Variants in PDE1A observed in about 807,000 individuals in gnomAD.
PDE1A encodes phosphodiesterase 1A.
PDE1A carries 35 observed loss-of-function variants against 61.7 expected under a neutral mutation model. The ratio of observed to expected loss-of-function variants is 0.57; its 90% CI spans 0.43 to 0.75. PDE1A has a LOEUF of 0.75. Among genes scored for constraint, PDE1A ranks in the 30% least tolerant of loss-of-function variants. The pLI, the probability that PDE1A is intolerant of heterozygous loss-of-function variation, is 0.00. For missense variants in PDE1A, 597 were observed against 630.6 expected (o/e 0.95, Z 0.57); for synonymous variants, 232 against 213.2 (o/e 1.09, Z -0.77).
At chr2:182,469,571 C>G (rs115500354) in intron 2 of PDE1A, among the ~76,000 whole-genome samples, 4 of 151,924 alleles carry the variant, frequency 2.6e-5, no homozygotes, top group African/African-American at 9.7e-5. Flanking sequence ...GTTTGGCTTC[C>G]TTATAATTCA....
the PDE1A span, among the ~76,000 whole-genome samples, chr2:182,573,176 C>A: frequency 6.6e-6 from 1 of 152,118 alleles, no homozygotes. Context: ...TTTATGACTA[C>A]ATTGTAATGA....
intron 1 of PDE1A, among the ~76,000 whole-genome samples, chr2:182,264,689 C>A (rs1406241657): frequency 6.6e-6 from 1 of 150,550 alleles, no homozygotes; most frequent in Admixed American, 6.7e-5. Context: ...CCTGAAAATT[C>A]AAGACAATAT....
At chr2:182,356,444 T>C (rs1699184549) in intron 1 of PDE1A, among the ~76,000 whole-genome samples, 1 of 152,176 alleles carries the variant, frequency 6.6e-6, no homozygotes, top group Non-Finnish European at 1.5e-5. Context: ...AATATTAAAA[T>C]AGAGATTTCT....
At chr2:182,206,609 C>CA (rs1687125081) in intron 7 of PDE1A, among the ~76,000 whole-genome samples, 1 of 152,176 alleles carries the variant, frequency 6.6e-6, no homozygotes, top group African/African-American at 2.4e-5. Context: ...TCACTGTCTC[C>CA]ATAGTTTTGC....
chr2:182,579,911 T>C, the PDE1A span, among the ~76,000 whole-genome samples: 1 of 152,320 alleles, frequency 6.6e-6, no homozygotes, highest in African/African-American at 2.4e-5. Flanking sequence ...CTAACTCTTC[T>C]TGTCCCCAAA....
chr2:182,572,652 C>T, the PDE1A span, among the ~76,000 whole-genome samples: 3 of 150,704 alleles, frequency 2.0e-5, no homozygotes, highest in Non-Finnish European at 3.0e-5. Context: ...GGGCGGATCA[C>T]GAGGTCAGGA....
intron 1 of PDE1A, among the ~76,000 whole-genome samples, chr2:182,419,478 G>A (rs574461715): frequency 6.6e-6 from 1 of 152,040 alleles, no homozygotes; most frequent in African/African-American, 2.4e-5. Flanking sequence ...TAGGACTACA[G>A]GCGTGTGCCA....
chr2:182,335,515 G>C lies in PDE1A; in HGVS notation c.54-71101C>G, dbSNP rs1574383494. 2.6e-5 allele frequency among the ~76,000 whole-genome samples: 4 copies of C among 152,236 alleles called. No individual in the cohort carries two copies. The East Asian group carries it at 5.8e-4, about 22-fold the overall frequency. On this transcript the variant is annotated intron_variant, in intron 1 of 13. Transcript: ENST00000351439. ...CAACCCTGACAAAAACAAGCAATGG[G>C]GAAAGGATTCCCTATTTAATAAATG...
At chr2:182,169,511 A>T (rs999813988) in intron 13 of PDE1A, among the ~76,000 whole-genome samples, 1 of 152,064 alleles carries the variant, frequency 6.6e-6, no homozygotes, top group African/African-American at 2.4e-5. Flanking sequence ...AATCTATAAT[A>T]CTCAATAAGG....
the PDE1A span, among the ~76,000 whole-genome samples, chr2:182,604,298 C>T: frequency 1.3e-5 from 2 of 152,132 alleles, no homozygotes; most frequent in Non-Finnish European, 2.9e-5. Flanking sequence ...GAGTTATCAG[C>T]ACTTTAAGCC....
upstream of PDE1A, among the ~76,000 whole-genome samples, chr2:182,427,359 C>A (rs1414353642): frequency 2.0e-5 from 3 of 152,108 alleles, no homozygotes; most frequent in Non-Finnish European, 4.4e-5. Flanking sequence ...CTGATAGAAG[C>A]CCATGCGAAG....
the PDE1A span, among the ~76,000 whole-genome samples, chr2:182,554,688 G>C: frequency 1.3e-5 from 2 of 152,044 alleles, no homozygotes; most frequent in African/African-American, 4.8e-5. Context: ...AATAATGCAT[G>C]CACAGCCTTC....
chr2:182,188,428 C>G (rs1470538411), intron 11 of PDE1A, among the ~76,000 whole-genome samples: 2 of 152,164 alleles, frequency 1.3e-5, no homozygotes, highest in Non-Finnish European at 2.9e-5. Context: ...CCATGCAACA[C>G]ATGTTTTAAT....
intron 1 of PDE1A, among the ~76,000 whole-genome samples, chr2:182,282,366 A>G (rs1693864976): frequency 6.6e-6 from 1 of 151,992 alleles, no homozygotes; most frequent in Non-Finnish European, 1.5e-5. Context: ...GGGTCCTCTG[A>G]TGTTCTGCCC....
At chr2:182,431,880 C>T (rs1198566174), upstream of PDE1A, among the ~76,000 whole-genome samples, 2 of 152,016 alleles carry the variant, frequency 1.3e-5, no homozygotes, top group East Asian at 3.9e-4. Context: ...TTCTTCTAAC[C>T]GCCTACCCTA....
At chr2:182,461,510 G>A (rs947502663) in intron 2 of PDE1A, among the ~76,000 whole-genome samples, 11 of 151,964 alleles carry the variant, frequency 7.2e-5, no homozygotes, top group Non-Finnish European at 1.3e-4. Context: ...TAACCAAATA[G>A]GAAACAAAAT....
At chr2:182,689,135 C>A in the PDE1A span, among the ~76,000 whole-genome samples, 1 of 152,170 alleles carries the variant, frequency 6.6e-6, no homozygotes, top group Admixed American at 6.6e-5. Context: ...AGAAAGTTAA[C>A]AAGGATATCC....
At position 182,506,533 on chromosome 2, in the gene PDE1A, A is replaced by G. The variant is rs529557404; in HGVS notation, c.101+15743T>C. ...TTTTGATTCTCTCTCATTTTTTCTT[A>G]TCATTTACTCCTTTGAACTAATCAA... On this transcript the variant is annotated intron_variant, in intron 2 of 14. Transcript: ENST00000410103. 7.2e-5 allele frequency among the ~76,000 whole-genome samples: 11 copies of G among 152,248 alleles called. No individual in the cohort carries two copies. In the East Asian group the frequency reaches 2.1e-3, roughly 29 times the overall value.
the PDE1A span, among the ~76,000 whole-genome samples, chr2:182,626,850 T>TATATATATACATATATATATAC: frequency 4.2e-5 from 1 of 23,854 alleles, no homozygotes; most frequent in Non-Finnish European, 9.4e-5. Flanking sequence ...TATATATACA[T>TATATATATACATATATATATAC]ATATATATAC....
Sources: gnomAD v4.1 joint callset for allele counts (sites outside exome capture counted in the v4.1 genomes callset) on GRCh38, gnomAD v4.1.1 for gene constraint, MANE v1.5 for transcripts, NCBI Gene and HGNC (gene_info 2026-07-23, HGNC 2026-07-21) for gene names.